The following CNTN4 variants were observed in gnomAD, a reference collection of about 807,000 sequenced individuals.
The protein encoded by CNTN4 is contactin 4, also known as contactin-4.
CNTN4 carries 77 observed loss-of-function variants against 122.5 expected under a neutral mutation model. The ratio of observed to expected loss-of-function variants is 0.63; its 90% CI spans 0.52 to 0.76. The LOEUF is 0.76. CNTN4 is among the 30% of genes least tolerant of loss of function. The pLI is 0.00. For missense variants in CNTN4, 1,256 were observed against 1,259.1 expected, an observed-to-expected ratio of 1.00 and a Z score of 0.04; for synonymous variants, 512 against 447.0, an observed-to-expected ratio of 1.15 and a Z score of -1.83.
At chr3:2,428,859 T>C in intron 3 of CNTN4, among the ~76,000 whole-genome samples, 1 of 152,212 alleles carries the variant, frequency 6.6e-6, no homozygotes. Flanking sequence ...TTCCAGTTGA[T>C]CGAATCGGCT....
At chr3:3,000,546 A>G (rs980131487) in intron 14 of CNTN4, among the ~76,000 whole-genome samples, 1 of 152,278 alleles carries the variant, frequency 6.6e-6, no homozygotes, top group African/African-American at 2.4e-5. Flanking sequence ...TCAAACAATT[A>G]GGCCATTGGC....
intron 4 of CNTN4, among the ~76,000 whole-genome samples, chr3:2,698,281 G>A (rs2086158792): frequency 6.6e-6 from 1 of 152,128 alleles, no homozygotes; most frequent in East Asian, 1.9e-4. Flanking sequence ...ATACACATGG[G>A]AGGCACCTAA....
At chr3:2,207,742 A>C (rs1168417446) in intron 2 of CNTN4, among the ~76,000 whole-genome samples, 1 of 152,136 alleles carries the variant, frequency 6.6e-6, no homozygotes, top group Admixed American at 6.6e-5. Flanking sequence ...TAGCTACACC[A>C]AAGAAGAGAT....
chr3:3,033,053 C>G (rs1290565851), intron 16 of CNTN4, among the ~76,000 whole-genome samples: 1 of 152,122 alleles, frequency 6.6e-6, no homozygotes, highest in Admixed American at 6.6e-5. Flanking sequence ...CAGATATTTC[C>G]TATCGATTTA....
chr3:2,182,301 T>C (rs1250353853), intron 2 of CNTN4, among the ~76,000 whole-genome samples: 1 of 151,784 alleles, frequency 6.6e-6, no homozygotes, highest in Non-Finnish European at 1.5e-5. Flanking sequence ...CACACACATA[T>C]ACACATATAT....
chr3:2,251,933 C>G (rs2040395517), intron 2 of CNTN4, among the ~76,000 whole-genome samples: 1 of 151,768 alleles, frequency 6.6e-6, no homozygotes, highest in South Asian at 2.1e-4. Context: ...ATTTTATATA[C>G]TAAAAAACAG....
chr3:3,054,420 T>A (rs1701587273), intron 24 of CNTN4, among the ~76,000 whole-genome samples: 1 of 152,236 alleles, frequency 6.6e-6, no homozygotes, highest in African/African-American at 2.4e-5. Flanking sequence ...TTACTACTTA[T>A]TTTCAATGGG....
chr3:2,302,430 AAAAC>A (rs892554675), intron 2 of CNTN4, among the ~76,000 whole-genome samples: 3 of 152,368 alleles, frequency 2.0e-5, no homozygotes, highest in East Asian at 3.9e-4. Flanking sequence ...TCCATCTCAA[AAAAC>A]AAACAAACAG....
chr3:2,710,737 T>C (rs2087094685), intron 4 of CNTN4, among the ~76,000 whole-genome samples: 1 of 152,220 alleles, frequency 6.6e-6, no homozygotes, highest in Admixed American at 6.5e-5. Flanking sequence ...GATGAATAAT[T>C]TCATAAAGTT....
chr3:2,240,318 A>G lies in CNTN4; in HGVS notation c.-144-98860A>G, dbSNP rs569694826. 2.0e-5 allele frequency among the ~76,000 whole-genome samples: 3 copies of G among 152,232 alleles called. No individual in the cohort carries two copies. The East Asian group carries it at 5.8e-4, about 29-fold the overall frequency. ...TAGTTAAAACGAAATCTTACCCTAA[A>G]GTGGGATAATAAGGGGAAAGATCCA... On this transcript the variant is annotated intron_variant, in intron 2 of 24. Coordinates refer to ENST00000418658, the MANE Select transcript of CNTN4 (RefSeq NM_175607.3).
rs115961227 is a variant in CNTN4, at chr3:2,236,140, A to G, written c.-144-103038A>G. Among the ~76,000 whole-genome samples, 114 of 152,316 alleles carry G rather than the reference A, an allele frequency of 7.5e-4. No individual in the cohort carries two copies. In the Middle Eastern group the frequency reaches 0.014, roughly 18 times the overall value. On this transcript the variant is annotated intron_variant, in intron 2 of 24. Transcript: ENST00000418658. The stretch of plus-strand genomic sequence containing the variant: ...GAAAGCACTGTGTAGCAGCAACATA[A>G]TCATAATCATTATGAAGTTACAGGA...
chr3:2,523,222 G>T (rs961033768), intron 3 of CNTN4, among the ~76,000 whole-genome samples: 5 of 151,874 alleles, frequency 3.3e-5, no homozygotes, highest in Non-Finnish European at 5.9e-5. Context: ...TCACCCTGTG[G>T]CTTATGAAAG....
chr3:2,895,810 G>A (rs1004229023), intron 10 of CNTN4, among the ~76,000 whole-genome samples: 12 of 152,148 alleles, frequency 7.9e-5, no homozygotes, highest in South Asian at 2.1e-4. Context: ...CGAGGCGGGC[G>A]GATCACAAGG....
chr3:2,612,502 C>T (rs2081542900), intron 4 of CNTN4, among the ~76,000 whole-genome samples: 1 of 152,024 alleles, frequency 6.6e-6, no homozygotes, highest in African/African-American at 2.4e-5. Flanking sequence ...GGAACACACA[C>T]AGTTGCTTTT....
At chr3:2,895,753 G>T (rs1185160614) in intron 10 of CNTN4, among the ~76,000 whole-genome samples, 1 of 152,212 alleles carries the variant, frequency 6.6e-6, no homozygotes, top group Non-Finnish European at 1.5e-5. Context: ...CAAAAGGAGG[G>T]GCTGGGCGCA....
chr3:2,124,625 A>T (rs2034026491), intron 2 of CNTN4, among the ~76,000 whole-genome samples: 1 of 151,614 alleles, frequency 6.6e-6, no homozygotes, highest in Non-Finnish European at 1.5e-5. Context: ...AACAACAACA[A>T]CATCTGGGCA....
chr3:2,184,261 A>G (rs1559321184), intron 2 of CNTN4, among the ~76,000 whole-genome samples: 1 of 152,160 alleles, frequency 6.6e-6, no homozygotes, highest in Non-Finnish European at 1.5e-5. Flanking sequence ...TTGGAATTTT[A>G]CAGGAGTGAG....
chr3:2,333,801 T>C (rs1178535), intron 2 of CNTN4, among the ~76,000 whole-genome samples: 122,202 of 152,140 alleles, frequency 0.8, 50,142 homozygotes, highest in East Asian at 1. Context: ...AATACTAAAT[T>C]ATATCAAGCA....
chr3:2,927,422 A>G (rs1443584459), intron 13 of CNTN4: 1 of 429,858 alleles, frequency 2.3e-6, no homozygotes, highest in Non-Finnish European at 4.7e-6. Flanking sequence ...TAAAGCCTCT[A>G]CTTAGAAGTG....
Sources: gnomAD v4.1 joint callset for allele counts (sites outside exome capture counted in the v4.1 genomes callset) on GRCh38, gnomAD v4.1.1 for gene constraint, MANE v1.5 for transcripts, NCBI Gene and HGNC (gene_info 2026-07-23, HGNC 2026-07-21) for gene names.